Variants in RBM33 observed in about 807,000 individuals in gnomAD.
RBM33 encodes RNA binding motif protein 33.
A neutral mutation model predicts 132.6 loss-of-function variants in RBM33; 28 were observed. That is an observed-to-expected ratio of 0.21 (90% CI 0.16 to 0.29). The LOEUF (loss-of-function observed/expected upper bound fraction) is 0.29, where lower values mean the gene tolerates loss of function less well. Ranked by LOEUF, RBM33 falls within the 10% of genes least tolerant of loss-of-function variation. RBM33 has a pLI of 1.00. For missense variants in RBM33, 1,291 were observed against 1,518.5 expected (o/e 0.85, Z 2.49); for synonymous variants, 634 against 593.0 (o/e 1.07, Z -1.01).
intron 5 of RBM33, among the ~76,000 whole-genome samples, chr7:155,687,847 G>A (rs1799523901): frequency 6.6e-6 from 1 of 152,048 alleles, no homozygotes; most frequent in South Asian, 2.1e-4. Context: ...CTCTGTTTTG[G>A]TACCAGTACC....
chr7:155,673,954 T>TTG (rs1799099831), intron 3 of RBM33, among the ~76,000 whole-genome samples: 2 of 118,030 alleles, frequency 1.7e-5, no homozygotes, highest in African/African-American at 6.3e-5. Flanking sequence ...TTTTTTTTTT[T>TTG]TTTTTTTTTT....
chr7:155,723,528 A>C (rs1360201470), intron 9 of RBM33, among the ~76,000 whole-genome samples: 1 of 152,240 alleles, frequency 6.6e-6, no homozygotes, highest in Non-Finnish European at 1.5e-5. Flanking sequence ...ATTACCATAC[A>C]TTATCATACC....
chr7:155,733,167 C>T (rs554000829), intron 9 of RBM33, among the ~76,000 whole-genome samples: 83 of 152,182 alleles, frequency 5.5e-4, no homozygotes, highest in Middle Eastern at 3.4e-3. Context: ...AAGGAAATAC[C>T]GGAGATGGAA....
intron 5 of RBM33, among the ~76,000 whole-genome samples, chr7:155,692,877 C>T (rs1208873821): frequency 6.6e-6 from 1 of 152,160 alleles, no homozygotes; most frequent in African/African-American, 2.4e-5. Flanking sequence ...TTGTTTGCAG[C>T]ATTGAAAATA....
At chr7:155,747,309 A>G (rs1801548650) in intron 14 of RBM33, among the ~76,000 whole-genome samples, 1 of 152,176 alleles carries the variant, frequency 6.6e-6, no homozygotes, top group Admixed American at 6.5e-5. Context: ...TTTTAAGTGT[A>G]CTGTGTTAAT....
chr7:155,647,021 A>G (rs1798217140), intron 1 of RBM33, among the ~76,000 whole-genome samples: 1 of 152,254 alleles, frequency 6.6e-6, no homozygotes, highest in Non-Finnish European at 1.5e-5. Flanking sequence ...GTTAGCTTGG[A>G]GAAATATTTA....
rs774664434 is a variant in RBM33 at position 155,706,954 on chromosome 7, G to A, written c.834G>A (p.Arg278=). ...GCTACAGCTCCAGGCGGGGAGGACG[G>A]CGAGGAGGTCCGCTGATGTGTCGTG... The part of the protein sequence containing the change: ...QGRYSSRRGG[R]RGGPLMCRGV... Residue 278 remains arginine (R), a synonymous_variant, in exon 7 of 18, where the codon CGG becomes CGA. Transcript: ENST00000401878. The A allele has an allele frequency of 3.1e-6, 5 of 1,603,522 alleles. No individual in the cohort carries two copies. Among genetic ancestry groups the A allele is most frequent in the South Asian group, 1.1e-5 (1 of 88,544 alleles).
At chr7:155,656,153 T>C (rs149718366) in intron 1 of RBM33, among the ~76,000 whole-genome samples, 70 of 152,350 alleles carry the variant, frequency 4.6e-4, no homozygotes, top group African/African-American at 1.6e-3. Context: ...ATATTTGATA[T>C]TGTGAGCTTG....
In RBM33 at chr7:155,780,593, C is replaced by T. The variant is rs1177739702; in HGVS notation, c.*5552C>T. 1.3e-5 allele frequency: 2 copies of T among 152,404 alleles called. No homozygotes were observed. The highest frequency in any genetic ancestry group is 1.9e-4 in the East Asian group (1 of 5,190). 9.4% of individuals were successfully genotyped at this position (152,404 alleles called of 1,614,324 possible). A position where few individuals can be genotyped will look rare whatever the true frequency, so the allele number is the denominator to read the frequency against. ...CATCTACCATTCTTAACACTGGTAG[C>T]TCCTGTCCCATTCCAAGACTCACTC... is the stretch of plus-strand genomic sequence containing the variant. On this transcript the variant is annotated 3_prime_UTR_variant, in exon 18 of 18. Transcript: ENST00000401878.
chr7:155,771,367 T>C (rs895624841), intron 16 of RBM33, among the ~76,000 whole-genome samples: 1 of 152,196 alleles, frequency 6.6e-6, no homozygotes, highest in African/African-American at 2.4e-5. Context: ...CAATTTTGTA[T>C]CTAGAAAACA....
chr7:155,716,314 C>CTCTTTTTTTTTTTTTTTTTTT (rs1563157893), intron 8 of RBM33, among the ~76,000 whole-genome samples: 1 of 43,576 alleles, frequency 2.3e-5, no homozygotes, highest in Non-Finnish European at 4.3e-5. Context: ...TCCTTTTCTG[C>CTCTTTTTTTTTTTTTTTTTTT]TGTTTTTTTT....
At chr7:155,744,436 A>C (rs551043694) in intron 13 of RBM33, among the ~76,000 whole-genome samples, 32 of 152,360 alleles carry the variant, frequency 2.1e-4, no homozygotes, top group Admixed American at 1.8e-3. Context: ...AGGAGAGTGC[A>C]TGAGTTCAAG....
intron 6 of RBM33, among the ~76,000 whole-genome samples, chr7:155,702,281 A>G (rs1799988357): frequency 6.6e-6 from 1 of 152,228 alleles, no homozygotes; most frequent in Non-Finnish European, 1.5e-5. Context: ...GATGCACAAG[A>G]TAGCAGTAGT....
intron 5 of RBM33, among the ~76,000 whole-genome samples, chr7:155,693,304 ATC>A (rs756691570): frequency 2.0e-5 from 3 of 150,834 alleles, no homozygotes; most frequent in Non-Finnish European, 4.4e-5. Flanking sequence ...TAGAAGTTGC[ATC>A]TGTTTCACTC....
intron 9 of RBM33, 100 bp downstream of exon 9, chr7:155,718,543 T>C: frequency 1.0e-6 from 1 of 1,002,576 alleles, no homozygotes; most frequent in Non-Finnish European, 1.5e-6. Flanking sequence ...AAATATAATT[T>C]TAAGGATTTG....
intron 7 of RBM33, 146 bp downstream of exon 7, chr7:155,707,214 A>G (rs1184680052): frequency 1.3e-6 from 1 of 769,266 alleles, no homozygotes; most frequent in Non-Finnish European, 2.3e-6. Flanking sequence ...TCTGCTTTAT[A>G]GTCTCATGTG....
At chr7:155,769,956 G>A (rs1802361713) in intron 16 of RBM33, among the ~76,000 whole-genome samples, 1 of 152,232 alleles carries the variant, frequency 6.6e-6, no homozygotes. Context: ...TCCAAAAGGA[G>A]GAGGAGGATT....
At chr7:155,702,589 A>G (rs1375543665) in intron 6 of RBM33, among the ~76,000 whole-genome samples, 1 of 152,234 alleles carries the variant, frequency 6.6e-6, no homozygotes, top group Non-Finnish European at 1.5e-5. Context: ...GGAATTGGTA[A>G]TATCACAGAA....
chr7:155,665,263 C>T lies in RBM33; in HGVS notation c.122+10C>T, dbSNP rs761001813. ...ATGAGGACTGGGACAGGTACGTGCACCCTGTGCTTCACCTAACTGCCTGTG... is the reference window on the plus strand; with the variant it reads ...ATGAGGACTGGGACAGGTACGTGCATCCTGTGCTTCACCTAACTGCCTGTG... On this transcript the variant is annotated intron_variant, in intron 2 of 17. Transcript: ENST00000401878. 1 of 1,611,854 alleles carries T rather than the reference C, an allele frequency of 6.2e-7. No individual in the cohort carries two copies. The highest frequency in any genetic ancestry group is 1.7e-5 in the Admixed American group (1 of 60,002).
Sources: allele counts gnomAD v4.1 joint callset (sites outside exome capture counted in the v4.1 genomes callset), GRCh38; gene constraint gnomAD v4.1.1; transcripts MANE v1.5; gene names NCBI Gene and HGNC (gene_info 2026-07-23, HGNC 2026-07-21).